Variants in SLC49A4 observed in about 807,000 individuals in gnomAD.
The protein encoded by SLC49A4 is solute carrier family 49 member 4, also known as disrupted in renal cancer protein 2.
In SLC49A4, 36 loss-of-function variants were observed where a neutral mutation model predicts 50.6. That is an observed-to-expected ratio of 0.71 (90% CI 0.55 to 0.94). The LOEUF (loss-of-function observed/expected upper bound fraction) is 0.94. Among genes scored for constraint, SLC49A4 ranks in the 40% least tolerant of loss-of-function variants. The pLI, the probability that SLC49A4 is intolerant of heterozygous loss-of-function variation, is 0.00. For synonymous variants in SLC49A4, 248 were observed against 241.2 expected, an observed-to-expected ratio of 1.03 and a Z score of -0.26; for missense variants, 503 against 605.7, an observed-to-expected ratio of 0.83 and a Z score of 1.78.
At chr3:122,817,458 C>T (rs902040341) in intron 2 of SLC49A4, among the ~76,000 whole-genome samples, 9 of 152,022 alleles carry the variant, frequency 5.9e-5, no homozygotes, top group South Asian at 2.1e-4. Flanking sequence ...TAAGATGACG[C>T]GTATGTATTA....
chr3:122,854,485 C>T (rs1241602145), intron 5 of SLC49A4, among the ~76,000 whole-genome samples: 2 of 152,156 alleles, frequency 1.3e-5, no homozygotes, highest in African/African-American at 2.4e-5. Context: ...TTTAAGAGAC[C>T]GAGGCTGCTT....
intron 5 of SLC49A4, among the ~76,000 whole-genome samples, chr3:122,852,834 A>T (rs1936942695): frequency 1.3e-5 from 2 of 152,012 alleles, no homozygotes. Context: ...TTAGCAGACA[A>T]CCCTAAAGGA....
Position 122,837,565 on chromosome 3 carries a change from A to G in SLC49A4, c.833+4119A>G, listed in dbSNP as rs1936705785. On this transcript the variant is annotated intron_variant, in intron 4 of 8. Transcript: ENST00000261038. ...CACCTTATACAAAAATTAATTCAAG[A>G]TGGATTAAAGACTTAAACGTTAGAC... Among the ~76,000 whole-genome samples the G allele has an allele frequency of 2.0e-5, 3 of 152,184 alleles. No individual in the cohort carries two copies. The South Asian group carries it at 6.2e-4, about 32-fold the overall frequency.
chr3:122,856,720 C>T lies in SLC49A4; in HGVS notation c.1010+346C>T, dbSNP rs191376479. On this transcript the variant is annotated intron_variant, in intron 6 of 8. Transcript: ENST00000261038. ...GTGTGGTGATGAGCGCCTGTAGTCC[C>T]AGCTACCAGGGAGGCTGAGGCAGGA... 7.7e-4 allele frequency among the ~76,000 whole-genome samples: 117 copies of T among 151,820 alleles called. 4 individuals carry two copies. In the East Asian group the frequency reaches 0.016, roughly 21 times the overall value.
chr3:122,841,919 A>T (rs909183820), intron 4 of SLC49A4, among the ~76,000 whole-genome samples: 5 of 147,444 alleles, frequency 3.4e-5, no homozygotes, highest in African/African-American at 7.4e-5. Context: ...AGCACGTCGT[A>T]CATTGCCTTT....
In SLC49A4 at chr3:122,851,947, A is replaced by G. The variant is rs140729120; in HGVS notation, c.943-4360A>G. ...TCAACTGTGTCAAATATGCTATTAA[A>G]TTCATCTGTGAGTTACTTTACATTT... On this transcript the variant is annotated intron_variant, in intron 5 of 8. Transcript: ENST00000261038. 8.1e-3 allele frequency among the ~76,000 whole-genome samples: 1,213 copies of G among 149,362 alleles called. 9 individuals are homozygous for G. Among genetic ancestry groups the G allele is most frequent in the African/African-American group, 0.026 (1,060 of 40,668 alleles).
intron 3 of SLC49A4, among the ~76,000 whole-genome samples, chr3:122,831,056 A>C (rs1321857657): frequency 6.6e-6 from 1 of 152,158 alleles, no homozygotes; most frequent in Non-Finnish European, 1.5e-5. Context: ...GGGAAATGCA[A>C]ATCAAAACCA....
chr3:122,847,703 C>G (rs1936873782), intron 5 of SLC49A4, among the ~76,000 whole-genome samples: 1 of 151,864 alleles, frequency 6.6e-6, no homozygotes, highest in African/African-American at 2.4e-5. Context: ...AAGTATGACC[C>G]CTATTTGGCT....
intron 5 of SLC49A4, among the ~76,000 whole-genome samples, chr3:122,847,349 A>AGT (rs1936867760): frequency 8.7e-5 from 4 of 46,022 alleles, no homozygotes; most frequent in Non-Finnish European, 1.3e-4. Context: ...TACAGTGTAC[A>AGT]ATTTTTTTTT....
At chr3:122,795,573 C>T (rs1476768131) in intron 1 of SLC49A4, 38 bp downstream of exon 1, 1 of 1,557,530 alleles carries the variant, frequency 6.4e-7, no homozygotes, top group Middle Eastern at 2.3e-4. Context: ...GCTGTCTCTC[C>T]TCCGGGAGCA....
intron 5 of SLC49A4, among the ~76,000 whole-genome samples, chr3:122,849,252 A>G (rs978224689): frequency 6.6e-6 from 1 of 152,216 alleles, no homozygotes; most frequent in Non-Finnish European, 1.5e-5. Context: ...ATTGTGCTGC[A>G]ATAAACATGG....
Position 122,795,140 on chromosome 3 carries a change from T to G in SLC49A4, c.-53T>G. The G allele has an allele frequency of 7.7e-7, 1 of 1,300,498 alleles. No individual in the cohort carries two copies. Among genetic ancestry groups the G allele is most frequent in the Non-Finnish European group, 9.7e-7 (1 of 1,032,800 alleles). The allele number at this position is 1,300,498 out of a possible 1,614,324, so 80.6% of individuals were successfully genotyped here. ...TCAGGACTATTCTGCGCTGGGCTAG[T>G]CGGCGGTGACCCGGACTGCGCCCGG... On this transcript the variant is annotated 5_prime_UTR_variant, in exon 1 of 9. Coordinates refer to ENST00000261038, the MANE Select transcript of SLC49A4 (RefSeq NM_032839.3).
chr3:122,861,993 GAAGTACCACAC>G (rs981400131), intron 7 of SLC49A4, among the ~76,000 whole-genome samples: 11 of 152,286 alleles, frequency 7.2e-5, no homozygotes, highest in South Asian at 4.1e-4. Context: ...TGATAAAAAG[GAAGTACCACAC>G]AAGTACCACA....
At chr3:122,795,671 C>G (rs985327947) in intron 1 of SLC49A4, 136 bp downstream of exon 1, 11 of 1,401,458 alleles carry the variant, frequency 7.8e-6, no homozygotes, top group Non-Finnish European at 9.2e-6. Flanking sequence ...TGCTAGCATT[C>G]CATTTCTGAC....
chr3:122,822,590 A>G (rs1936468784), intron 2 of SLC49A4, among the ~76,000 whole-genome samples: 1 of 152,182 alleles, frequency 6.6e-6, no homozygotes, highest in Admixed American at 6.5e-5. Flanking sequence ...TTCAGTTATT[A>G]TAAACGATCT....
At chr3:122,809,858 A>C (rs1468051180) in intron 2 of SLC49A4, among the ~76,000 whole-genome samples, 1 of 152,250 alleles carries the variant, frequency 6.6e-6, no homozygotes, top group African/African-American at 2.4e-5. Flanking sequence ...AGAATACAGG[A>C]GTATTAACCC....
intron 2 of SLC49A4, among the ~76,000 whole-genome samples, chr3:122,818,706 G>T (rs1474095588): frequency 6.6e-6 from 1 of 152,156 alleles, no homozygotes; most frequent in African/African-American, 2.4e-5. Flanking sequence ...CACTTTGGAA[G>T]GCTGAGGTGG....
chr3:122,848,721 G>T (rs952834930), intron 5 of SLC49A4, among the ~76,000 whole-genome samples: 1 of 150,624 alleles, frequency 6.6e-6, no homozygotes, highest in Admixed American at 6.6e-5. Flanking sequence ...ATTTGGGGGG[G>T]ATATATAATA....
At chr3:122,796,439 A>G (rs938243461) in intron 1 of SLC49A4, among the ~76,000 whole-genome samples, 2 of 152,226 alleles carry the variant, frequency 1.3e-5, no homozygotes, top group East Asian at 1.9e-4. Flanking sequence ...CTATAACAAA[A>G]TACCATAAAC....
Sources: allele counts gnomAD v4.1 joint callset (sites outside exome capture counted in the v4.1 genomes callset), GRCh38; gene constraint gnomAD v4.1.1; transcripts MANE v1.5; gene names NCBI Gene and HGNC (gene_info 2026-07-23, HGNC 2026-07-21).